MACF1: variants seen among roughly 807,000 people sequenced by gnomAD.
The protein encoded by MACF1 is microtubule actin crosslinking factor 1.
Under a neutral mutation model 854.8 loss-of-function variants are expected in MACF1, and 193 were observed. The observed-to-expected ratio is 0.23, with a 90% CI of 0.20 to 0.25. The LOEUF (loss-of-function observed/expected upper bound fraction) is 0.25. Ranked by LOEUF, MACF1 falls within the 10% of genes least tolerant of loss-of-function variation. MACF1 has a pLI of 1.00. For missense variants in MACF1, 7,722 were observed against 8,929.1 expected (o/e 0.86, Z 5.45); for synonymous variants, 3,185 against 3,226.7 (o/e 0.99, Z 0.44).
At chr1:39,473,989 C>T (rs1213066997) in intron 97 of MACF1, among the ~76,000 whole-genome samples, 2 of 152,154 alleles carry the variant, frequency 1.3e-5, no homozygotes, top group Admixed American at 1.3e-4. Flanking sequence ...CATAGTGGCT[C>T]ACGTGTACAA....
At chr1:39,225,726 T>G (rs667238) in intron 1 of MACF1, among the ~76,000 whole-genome samples, 10,108 of 152,208 alleles carry the variant, frequency 0.066, 996 homozygotes, top group African/African-American at 0.21. Flanking sequence ...TTGCCTTTTC[T>G]TTGCCCGTTT....
rs748888465 is a variant in MACF1 at position 39,292,846 on chromosome 1, G to A, written c.1992+3G>A. The A allele has an allele frequency of 4.3e-6, 7 of 1,610,610 alleles. No homozygotes were observed. In the Admixed American group the frequency reaches 5.0e-5, roughly 12 times the overall value. On this transcript the variant is annotated splice_donor_region_variant and intron_variant, in intron 17 of 100. Transcript: ENST00000564288. ...AGACACAGTATTGTAAATTGAAGGT[G>A]AGTTTCTGCCGATTCTCTTACATTC...
chr1:39,092,877 G>A (rs1015884478), intron 2 of MACF1, among the ~76,000 whole-genome samples: 8 of 151,808 alleles, frequency 5.3e-5, no homozygotes, highest in African/African-American at 1.5e-4. Flanking sequence ...TCCGCCTCCC[G>A]GGTTCAAGCA....
chr1:39,128,593 G>C (rs1023061944), intron 2 of MACF1, among the ~76,000 whole-genome samples: 1 of 152,110 alleles, frequency 6.6e-6, no homozygotes, highest in Non-Finnish European at 1.5e-5. Context: ...TAGCTACTCG[G>C]GAGGCTAAGG....
rs1442249660 is a variant in MACF1, at chr1:39,468,609, C to G, written c.21772-6C>G. ...TATATTAATTAAGTTTCCTTTGATT[C>G]TACAGTTTGGGGATTCTCAGCAGTT... On this transcript the variant is annotated splice_region_variant and splice_polypyrimidine_tract_variant and intron_variant, in intron 95 of 100. Transcript: ENST00000564288. The G allele has an allele frequency of 6.2e-7, 1 of 1,610,452 alleles. No homozygotes were observed. The highest frequency in any genetic ancestry group is 8.5e-7 in the Non-Finnish European group (1 of 1,176,864).
chr1:39,461,801 A>T, intron 92 of MACF1, 82 bp from the exon 93 acceptor site: 1 of 854,324 alleles, frequency 1.2e-6, no homozygotes, highest in South Asian at 2.1e-5. Context: ...CAAAAAAAAA[A>T]AAAAAAAAAA....
At chr1:39,225,227 T>TTTTTTTTG (rs1250730946) in intron 1 of MACF1, among the ~76,000 whole-genome samples, 6 of 147,058 alleles carry the variant, frequency 4.1e-5, no homozygotes, top group Admixed American at 2.0e-4. Flanking sequence ...CTTTTTTTTT[T>TTTTTTTTG]GAGACGGAGT....
rs960045032 is a variant in MACF1 at position 39,309,977 on chromosome 1, A to T, written c.2917-268A>T. 2.6e-5 allele frequency among the ~76,000 whole-genome samples: 4 copies of T among 152,248 alleles called. No homozygotes were observed. In the South Asian group the frequency reaches 8.3e-4, roughly 32 times the overall value. On this transcript the variant is annotated intron_variant, in intron 24 of 100. Transcript: ENST00000564288. Reference sequence around the variant, plus strand: ...TCTGTAAGACAATCATGTCTTTTGCATAAGAATATGTAGTAGGTGAATACT... The same window carrying T: ...TCTGTAAGACAATCATGTCTTTTGCTTAAGAATATGTAGTAGGTGAATACT...
chr1:39,322,386 C>T (rs1646530800), intron 31 of MACF1, among the ~76,000 whole-genome samples: 1 of 152,104 alleles, frequency 6.6e-6, no homozygotes, highest in African/African-American at 2.4e-5. Context: ...TTCTAACAAC[C>T]ACACCCTTTC....
At position 39,387,688 on chromosome 1, in the gene MACF1, T is replaced by C; in HGVS notation, c.14846T>C (p.Leu4949Pro). The change falls in exon 58 of 101, where the codon CTG (leucine) becomes CCG (proline). Residue 4949 changes from leucine (L) to proline (P), a missense_variant. Leu to Pro is a moderately conservative substitution (Grantham distance 98, BLOSUM62 -3). Transcript: ENST00000564288. The stretch of plus-strand genomic sequence containing the variant: ...AGTCTCCTAAGATCAAAGGCTATGC[T>C]GAATGAGGTGGAGAAGCGCCGCTCC... The part of the protein sequence containing the change: ...ESSLLRSKAM[L>P]NEVEKRRSLL... The C allele has an allele frequency of 6.2e-7, 1 of 1,614,148 alleles. No individual in the cohort carries two copies. The highest frequency in any genetic ancestry group is 8.5e-7 in the Non-Finnish European group (1 of 1,180,032).
chr1:39,337,290 C>G lies in MACF1; in HGVS notation c.10174C>G (p.Leu3392Val), dbSNP rs1571355187. ...GACCAAACAGATTCAACCTTTGGAG[C>G]TAAACCTGGCAGAACTACAGGATCT... ...MRTKQIQPLE[L>V]NLAELQDLLC... The change falls in exon 38 of 101, where the codon CTA (leucine) becomes GTA (valine). Residue 3392 changes from leucine (L) to valine (V), a missense_variant. Around this residue, in one of 15 missense-constraint regions of MACF1, gnomAD observed 854 missense variants for 852.6 expected, o/e 1.00. Coordinates refer to ENST00000564288, the MANE Select transcript of MACF1 (RefSeq NM_001394062.1). 2.5e-6 allele frequency: 4 copies of G among 1,614,168 alleles called. No homozygotes were observed. The highest frequency in any genetic ancestry group is 3.4e-6 in the Non-Finnish European group (4 of 1,180,018).
At chr1:39,359,436 T>C (rs1647870187) in intron 47 of MACF1, among the ~76,000 whole-genome samples, 172 bp downstream of exon 47, 1 of 152,230 alleles carries the variant, frequency 6.6e-6, no homozygotes, top group Admixed American at 6.5e-5. Context: ...TAATGAACTT[T>C]ATTCTTGCAC....
At chr1:39,443,195 A>G (rs565088420) in intron 78 of MACF1, among the ~76,000 whole-genome samples, 13 of 152,306 alleles carry the variant, frequency 8.5e-5, no homozygotes, top group South Asian at 8.3e-4. Context: ...TTCCTATTCA[A>G]CAGTACCTTA....
upstream of MACF1, among the ~76,000 whole-genome samples, chr1:39,199,844 G>C (rs1390469165): frequency 6.6e-6 from 1 of 152,190 alleles, no homozygotes; most frequent in African/African-American, 2.4e-5. Flanking sequence ...TTTCAGAAGA[G>C]AGGGAGCTCC....
intron 6 of MACF1, among the ~76,000 whole-genome samples, chr1:39,267,591 A>T (rs1033367242): frequency 5.3e-5 from 8 of 152,218 alleles, no homozygotes; most frequent in African/African-American, 1.7e-4. Flanking sequence ...TCATATAGTG[A>T]CTGTAAGAAT....
chr1:39,345,884 A>G (rs1647034903), intron 40 of MACF1, among the ~76,000 whole-genome samples: 3 of 152,018 alleles, frequency 2.0e-5, no homozygotes, highest in South Asian at 2.1e-4. Flanking sequence ...CCTGGCCAAC[A>G]TGGCAAAACC....
rs147223845 is a variant in MACF1 at position 39,357,360 on chromosome 1, AT to A, written c.11425-6del. 5.4e-5 allele frequency: 85 copies of A among 1,588,480 alleles called. No individual in the cohort carries two copies. The highest frequency in any genetic ancestry group is 3.0e-4 in the Admixed American group (17 of 57,226). On this transcript the variant is annotated splice_polypyrimidine_tract_variant and intron_variant, in intron 44 of 100. Transcript: ENST00000564288. ...TACTGATTGTCCTTTGTTTGGGGGGATTTTTTTTTACCAGGCCCGTCACCAA... is the reference window on the plus strand; with the variant it reads ...TACTGATTGTCCTTTGTTTGGGGGGATTTTTTTTACCAGGCCCGTCACCAA...
chr1:39,359,083 C>T, intron 46 of MACF1, 58 bp from the exon 47 acceptor site: 1 of 1,602,192 alleles, frequency 6.2e-7, no homozygotes, highest in Non-Finnish European at 8.5e-7. Context: ...CTCCGGATTC[C>T]TAGAATCATC....
chr1:39,214,600 A>G (rs1011278130), intron 1 of MACF1, among the ~76,000 whole-genome samples: 4 of 152,200 alleles, frequency 2.6e-5, no homozygotes, highest in Non-Finnish European at 5.9e-5. Flanking sequence ...TGCTGTGATA[A>G]TCTACCTGGG....
Sources: gnomAD v4.1 joint callset for allele counts (sites outside exome capture counted in the v4.1 genomes callset) on GRCh38, gnomAD v4.1.1 for gene constraint, gnomAD v4.1.1 regional missense constraint, MANE v1.5 for transcripts, NCBI Gene and HGNC (gene_info 2026-07-23, HGNC 2026-07-21) for gene names.